The following IL6ST variants were observed in gnomAD, a reference collection of about 807,000 sequenced individuals.
IL6ST encodes interleukin 6 cytokine family signal transducer.
IL6ST carries 24 observed loss-of-function variants against 91.3 expected under a neutral mutation model. The ratio of observed to expected loss-of-function variants is 0.26; its 90% confidence interval spans 0.19 to 0.37. The LOEUF (loss-of-function observed/expected upper bound fraction) is 0.37, where lower values mean the gene tolerates loss of function less well. Ranked by LOEUF, IL6ST falls within the 10% of genes least tolerant of loss-of-function variation. The pLI is 1.00. For synonymous variants in IL6ST, 351 were observed against 373.6 expected, an observed-to-expected ratio of 0.94 and a Z score of 0.70; for missense variants, 914 against 1,078.5, an observed-to-expected ratio of 0.85 and a Z score of 2.14.
Position 55,938,641 on chromosome 5 carries a change from A to G in IL6ST, c.*2441T>C, listed in dbSNP as rs11574786. 5,250 of 195,860 alleles carry G rather than the reference A, an allele frequency of 0.027. 287 individuals are homozygous for G. The highest frequency in any genetic ancestry group is 0.11 in the African/African-American group (4,882 of 43,342). The allele number at this position is 195,860 out of a possible 1,614,324, so 12.1% of individuals were successfully genotyped here. A position where few individuals can be genotyped will look rare whatever the true frequency, so the allele number is the denominator to read the frequency against. On this transcript the variant is annotated 3_prime_UTR_variant, in exon 17 of 17. Coordinates refer to ENST00000381298, the MANE Select transcript of IL6ST (RefSeq NM_002184.4). ...TAAAGCCACTAACTAACTTTATTAGACTAGTTTTTACATAAATAACCAGAT... is the reference window on the plus strand; with the variant it reads ...TAAAGCCACTAACTAACTTTATTAGGCTAGTTTTTACATAAATAACCAGAT...
In IL6ST at chr5:55,936,110, A is replaced by T; in HGVS notation, c.*4972T>A. ...TTTTTTAGACAAAATCACAATGTGA[A>T]GGCACATTAATAGTTGAGATTTTCT... On this transcript the variant is annotated 3_prime_UTR_variant, in exon 17 of 17. Coordinates refer to ENST00000381298, the MANE Select transcript of IL6ST (RefSeq NM_002184.4). 4.4e-6 allele frequency: 1 copy of T among 228,636 alleles called. No homozygotes were observed. The highest frequency in any genetic ancestry group is 8.7e-6 in the Non-Finnish European group (1 of 115,136). The allele number at this position is 228,636 out of a possible 1,614,324, so 14.2% of individuals were successfully genotyped here.
intron 1 of IL6ST, among the ~76,000 whole-genome samples, chr5:55,992,804 ACG>A (rs1754406957): frequency 6.6e-6 from 1 of 152,072 alleles, no homozygotes; most frequent in Non-Finnish European, 1.5e-5. Context: ...CAATCCTTAA[ACG>A]ATCATTCCCT....
chr5:55,973,585 C>T (rs891969413), intron 3 of IL6ST, among the ~76,000 whole-genome samples: 18 of 152,146 alleles, frequency 1.2e-4, no homozygotes, highest in African/African-American at 3.6e-4. Flanking sequence ...GACATATAAG[C>T]GAAGGAGTCT....
intron 1 of IL6ST, chr5:55,994,092 T>C (rs1580883740): frequency 7.2e-6 from 1 of 138,904 alleles, no homozygotes; most frequent in South Asian, 2.3e-4. Flanking sequence ...ATTTTTAACC[T>C]GTGATTTTTT....
At chr5:55,994,594 G>A (rs1345472750) in intron 1 of IL6ST, among the ~76,000 whole-genome samples, 190 bp downstream of exon 1, 1 of 152,110 alleles carries the variant, frequency 6.6e-6, no homozygotes, top group African/African-American at 2.4e-5. Context: ...AGGTGACAAA[G>A]TTGTGGAAGT....
chr5:55,988,865 C>G (rs1296862002), intron 1 of IL6ST, among the ~76,000 whole-genome samples: 1 of 151,134 alleles, frequency 6.6e-6, no homozygotes, highest in Non-Finnish European at 1.5e-5. Flanking sequence ...AATCCCAGCA[C>G]TTTGGGAGGC....
chr5:55,949,252 G>A (rs781144118), intron 14 of IL6ST, among the ~76,000 whole-genome samples: 2 of 152,112 alleles, frequency 1.3e-5, no homozygotes, highest in Non-Finnish European at 2.9e-5. Context: ...AAGGCAGGAG[G>A]ACTGAGGCCA....
chr5:55,968,151 G>T, intron 5 of IL6ST, 125 bp downstream of exon 5: 1 of 933,088 alleles, frequency 1.1e-6, no homozygotes, highest in Non-Finnish European at 1.6e-6. Context: ...TATTTGAAAT[G>T]TTACAGAATA....
At chr5:55,978,753 T>A (rs1753470069) in intron 2 of IL6ST, among the ~76,000 whole-genome samples, 1 of 152,180 alleles carries the variant, frequency 6.6e-6, no homozygotes, top group Non-Finnish European at 1.5e-5. Context: ...AAGGCAGCCA[T>A]CAGGGTTTTT....
At chr5:55,987,143 T>C (rs1240641662) in intron 1 of IL6ST, among the ~76,000 whole-genome samples, 2 of 152,150 alleles carry the variant, frequency 1.3e-5, no homozygotes, top group Admixed American at 1.3e-4. Flanking sequence ...CCAGCCTGGG[T>C]GACAGAGTGA....
intron 15 of IL6ST, among the ~76,000 whole-genome samples, chr5:55,943,063 T>A (rs977152075): frequency 2.0e-5 from 3 of 152,166 alleles, no homozygotes; most frequent in Non-Finnish European, 4.4e-5. Flanking sequence ...CCAGGCCACA[T>A]GTTGTGGTAT....
chr5:55,968,605 CCTAA>C (rs1752775107), intron 4 of IL6ST, among the ~76,000 whole-genome samples: 1 of 152,164 alleles, frequency 6.6e-6, no homozygotes, highest in South Asian at 2.1e-4. Context: ...ATACATCCAT[CCTAA>C]CTGTCATCAA....
chr5:55,961,351 T>C (rs1263699975), intron 7 of IL6ST, among the ~76,000 whole-genome samples: 2 of 152,150 alleles, frequency 1.3e-5, no homozygotes, highest in African/African-American at 4.8e-5. Context: ...GTTAGTACTC[T>C]GGGGCTTAGA....
rs1473695561 is a variant in IL6ST, at chr5:55,969,710, G to T, written c.210C>A (p.Asn70Lys). Residue 70 changes from asparagine to lysine, a missense_variant, in exon 4 of 17, where the codon AAC (asparagine) becomes AAA (lysine). By Grantham distance (94) the Asn-to-Lys change is moderately conservative. Coordinates refer to ENST00000381298, the MANE Select transcript of IL6ST (RefSeq NM_002184.4). ...VNANYIVWKT[N>K]HFTIPKEQYT... ...ATTGCTCCTTAGGAATAGTAAAATG[G>T]TTTGTTTTCCAGACAATGTAATTAG... 1 of 1,612,814 alleles carries T rather than the reference G, an allele frequency of 6.2e-7. No individual in the cohort carries two copies. The highest frequency in any genetic ancestry group is 8.5e-7 in the Non-Finnish European group (1 of 1,178,966).
intron 5 of IL6ST, among the ~76,000 whole-genome samples, chr5:55,965,740 C>T (rs995704601): frequency 7.3e-5 from 11 of 150,384 alleles, no homozygotes; most frequent in African/African-American, 2.4e-4. Context: ...CCTATAATCC[C>T]AGCCACTCGG....
chr5:55,951,880 G>T, intron 13 of IL6ST, 49 bp downstream of exon 13: 2 of 1,181,676 alleles, frequency 1.7e-6, no homozygotes, highest in Non-Finnish European at 1.2e-6. Context: ...GTACTTAAAA[G>T]CTTAAGGAAA....
intron 3 of IL6ST, among the ~76,000 whole-genome samples, chr5:55,970,978 A>G (rs1338444973): frequency 6.6e-6 from 1 of 152,176 alleles, no homozygotes; most frequent in East Asian, 1.9e-4. Context: ...AAACACAACT[A>G]CATGCTTTAC....
rs139862240 is a variant in IL6ST at position 55,941,411 on chromosome 5, G to A, written c.2428C>T (p.Pro810Ser). ...DHVDGGDGIL[P>S]RQQYFKQNCS... is the part of the protein sequence containing the mutation. ...TTCTGTTTGAAGTACTGTTGCCTGG[G>A]CAAAATACCATCACCGCCATCTACA... Residue 810 changes from proline (P) to serine (S), a missense_variant, in exon 17 of 17, where the codon CCC becomes TCC. By Grantham distance (74) the Pro-to-Ser change is moderately conservative. Coordinates refer to ENST00000381298, the MANE Select transcript of IL6ST (RefSeq NM_002184.4). 1 of 1,613,936 alleles carries A rather than the reference G, an allele frequency of 6.2e-7. No homozygotes were observed. Among genetic ancestry groups the A allele is most frequent in the African/African-American group, 1.3e-5 (1 of 74,872 alleles).
At position 55,994,774 on chromosome 5, in the gene IL6ST, C is replaced by T. The variant is rs898294114; in HGVS notation, c.-104+10G>A. 2.0e-5 allele frequency: 3 copies of T among 152,820 alleles called. No individual in the cohort carries two copies. Among genetic ancestry groups the T allele is most frequent in the African/African-American group, 4.8e-5 (2 of 41,468 alleles). 9.5% of individuals were successfully genotyped at this position (152,820 alleles called of 1,614,324 possible). A position where few individuals can be genotyped will look rare whatever the true frequency, so the allele number is the denominator to read the frequency against. On this transcript the variant is annotated intron_variant, in intron 1 of 16. Coordinates refer to ENST00000381298, the MANE Select transcript of IL6ST (RefSeq NM_002184.4). Reference sequence around the variant, plus strand: ...CCAGCTACGCGACCCAGCACCCGGCCCCTCCTCACCTCAGGCCGCGCCGCC... The same window carrying T: ...CCAGCTACGCGACCCAGCACCCGGCTCCTCCTCACCTCAGGCCGCGCCGCC...
Sources: allele counts gnomAD v4.1 joint callset (sites outside exome capture counted in the v4.1 genomes callset), GRCh38; gene constraint gnomAD v4.1.1; transcripts MANE v1.5; gene names NCBI Gene and HGNC (gene_info 2026-07-23, HGNC 2026-07-21).